ULK4: variants seen among roughly 807,000 people sequenced by gnomAD.
ULK4 encodes the protein unc-51 like kinase 4, also known as inactive serine/threonine-protein kinase ULK4.
Under a neutral mutation model 160.6 loss-of-function variants are expected in ULK4, and 133 were observed. The ratio of observed to expected loss-of-function variants is 0.83; its 90% confidence interval spans 0.72 to 0.96. The LOEUF is 0.96. ULK4 is among the 40% of genes least tolerant of loss of function. ULK4 has a pLI of 0.00. For missense variants in ULK4, 1,580 were observed against 1,499.5 expected (o/e 1.05, Z -0.89); for synonymous variants, 534 against 539.8 (o/e 0.99, Z 0.15).
In ULK4 at chr3:41,900,722, C is replaced by A; in HGVS notation, c.1287+3G>T. The A allele has an allele frequency of 6.2e-7, 1 of 1,610,870 alleles. No homozygotes were observed. Among genetic ancestry groups the A allele is most frequent in the Non-Finnish European group, 8.5e-7 (1 of 1,178,310 alleles). On this transcript the variant is annotated splice_donor_region_variant and intron_variant, in intron 13 of 36. Coordinates refer to ENST00000301831, the MANE Select transcript of ULK4 (RefSeq NM_017886.4). ...ACTCAGTTGTTAGAGTGTCTTTCTG[C>A]ACCTTTGGATTGTCGATAATGGGGG...
At chr3:41,510,432 A>C (rs768467024) in intron 32 of ULK4, among the ~76,000 whole-genome samples, 1 of 152,254 alleles carries the variant, frequency 6.6e-6, no homozygotes, top group African/African-American at 2.4e-5. Flanking sequence ...ATCAAGACAG[A>C]AAGTCAACAA....
At chr3:41,393,935 G>A (rs2082005075) in intron 35 of ULK4, among the ~76,000 whole-genome samples, 1 of 152,054 alleles carries the variant, frequency 6.6e-6, no homozygotes. Flanking sequence ...GTGGTCTTGG[G>A]AACATTATTT....
intron 35 of ULK4, among the ~76,000 whole-genome samples, chr3:41,326,299 G>C (rs527451188): frequency 6.6e-6 from 1 of 152,218 alleles, no homozygotes; most frequent in Non-Finnish European, 1.5e-5. Context: ...GCTAATTCCT[G>C]CAAGAATTTC....
At chr3:41,470,087 T>G (rs2083948952) in intron 32 of ULK4, among the ~76,000 whole-genome samples, 1 of 148,566 alleles carries the variant, frequency 6.7e-6, no homozygotes, top group Non-Finnish European at 1.5e-5. Context: ...AAACTTCTTT[T>G]AATTTAGGGA....
intron 22 of ULK4, among the ~76,000 whole-genome samples, chr3:41,749,311 C>T (rs567400873): frequency 4.6e-5 from 7 of 151,956 alleles, no homozygotes; most frequent in East Asian, 3.9e-4. Context: ...GGTGAAACCC[C>T]GTCCCTACTA....
chr3:41,927,535 TAA>T (rs1306893324), intron 5 of ULK4, among the ~76,000 whole-genome samples: 1 of 151,918 alleles, frequency 6.6e-6, no homozygotes, highest in Non-Finnish European at 1.5e-5. Context: ...ATGCCCCAAT[TAA>T]AAAGACATAG....
intron 34 of ULK4, among the ~76,000 whole-genome samples, chr3:41,442,388 C>G (rs1041277991): frequency 6.6e-6 from 1 of 152,028 alleles, no homozygotes; most frequent in Non-Finnish European, 1.5e-5. Context: ...AAACAGAAAT[C>G]ACATGTAGTT....
intron 30 of ULK4, among the ~76,000 whole-genome samples, chr3:41,641,148 A>C (rs1279136151): frequency 2.0e-5 from 3 of 152,234 alleles, no homozygotes; most frequent in Non-Finnish European, 4.4e-5. Flanking sequence ...GAGAGGAGAC[A>C]GGCTGAATAC....
At chr3:41,608,744 T>C (rs1402735855) in intron 31 of ULK4, among the ~76,000 whole-genome samples, 1 of 152,206 alleles carries the variant, frequency 6.6e-6, no homozygotes, top group African/African-American at 2.4e-5. Context: ...TTCAGTGGTA[T>C]CACTTGCCAT....
At chr3:41,550,104 C>T (rs1300017491) in intron 32 of ULK4, among the ~76,000 whole-genome samples, 2 of 151,712 alleles carry the variant, frequency 1.3e-5, no homozygotes, top group East Asian at 3.9e-4. Flanking sequence ...TTTACCATCA[C>T]AAAAGTATAA....
chr3:41,797,415 T>G (rs1376123386), intron 20 of ULK4, among the ~76,000 whole-genome samples: 1 of 152,050 alleles, frequency 6.6e-6, no homozygotes, highest in African/African-American at 2.4e-5. Context: ...CATCAATGGA[T>G]GCTATGGAGG....
chr3:41,426,037 T>C (rs1261242788), intron 34 of ULK4, among the ~76,000 whole-genome samples: 1 of 152,062 alleles, frequency 6.6e-6, no homozygotes, highest in Non-Finnish European at 1.5e-5. Flanking sequence ...AAGAGACCCA[T>C]CTCACATACA....
chr3:41,846,732 G>A (rs1209985050), intron 17 of ULK4, among the ~76,000 whole-genome samples: 1 of 151,008 alleles, frequency 6.6e-6, no homozygotes, highest in Non-Finnish European at 1.5e-5. Flanking sequence ...TTGAGCCTGG[G>A]AGGGAGAGGT....
intron 32 of ULK4, among the ~76,000 whole-genome samples, chr3:41,501,650 A>G (rs2085212820): frequency 6.6e-6 from 1 of 152,178 alleles, no homozygotes; most frequent in Admixed American, 6.5e-5. Flanking sequence ...CCTCACATAC[A>G]TTTTTGTAGC....
intron 32 of ULK4, among the ~76,000 whole-genome samples, chr3:41,544,544 G>A (rs901613935): frequency 6.6e-6 from 1 of 152,162 alleles, no homozygotes; most frequent in Non-Finnish European, 1.5e-5. Context: ...TAGGAGTTTT[G>A]CAAAGTCTCC....
At chr3:41,312,563 A>C (rs1375645548) in intron 35 of ULK4, among the ~76,000 whole-genome samples, 2 of 152,154 alleles carry the variant, frequency 1.3e-5, no homozygotes, top group African/African-American at 4.8e-5. Flanking sequence ...TAGGAGTCCA[A>C]GGCTGGGGGA....
At chr3:41,346,979 A>T (rs2080813207) in intron 35 of ULK4, among the ~76,000 whole-genome samples, 1 of 152,162 alleles carries the variant, frequency 6.6e-6, no homozygotes, top group African/African-American at 2.4e-5. Flanking sequence ...CAATACATGG[A>T]GTCATTACTC....
At chr3:41,600,107 T>C (rs901657058) in intron 31 of ULK4, among the ~76,000 whole-genome samples, 5 of 152,008 alleles carry the variant, frequency 3.3e-5, no homozygotes, top group Admixed American at 1.3e-4. Context: ...TCAGAGGACA[T>C]GAGATAAAGT....
At chr3:41,822,489 C>G (rs1300777921) in intron 18 of ULK4, among the ~76,000 whole-genome samples, 1 of 152,098 alleles carries the variant, frequency 6.6e-6, no homozygotes, top group Non-Finnish European at 1.5e-5. Flanking sequence ...ATGATCTCAG[C>G]TCACTGCAAC....
Sources: allele counts gnomAD v4.1 joint callset (sites outside exome capture counted in the v4.1 genomes callset), GRCh38; gene constraint gnomAD v4.1.1; transcripts MANE v1.5; gene names NCBI Gene and HGNC (gene_info 2026-07-23, HGNC 2026-07-21).